The following TMX2 variants were observed in gnomAD, a reference collection of about 807,000 sequenced individuals.
The protein encoded by TMX2 is thioredoxin-related transmembrane protein 2.
In TMX2, 20 loss-of-function variants were observed where a neutral mutation model predicts 33.4. The ratio of observed to expected loss-of-function variants is 0.60; its 90% CI spans 0.42 to 0.87. The LOEUF (loss-of-function observed/expected upper bound fraction) is 0.87. Ranked by LOEUF, TMX2 falls within the 40% of genes least tolerant of loss-of-function variation. The pLI is 0.00. For missense variants in TMX2, 340 were observed against 370.7 expected (o/e 0.92, Z 0.68); for synonymous variants, 166 against 140.7 (o/e 1.18, Z -1.27).
rs1361794455 is a variant in TMX2, at chr11:57,738,717, T to C, written c.495T>C (p.Asn165=). 1.2e-6 allele frequency: 2 copies of C among 1,614,182 alleles called. No homozygotes were observed. Among genetic ancestry groups the C allele is most frequent in the East Asian group, 4.5e-5 (2 of 44,884 alleles). The change falls in exon 5 of 8, where the codon AAT becomes AAC. Residue 165 remains asparagine, a synonymous_variant. Transcript: ENST00000278422. The part of the protein sequence containing the change: ...RVTWIVEFFA[N]WSNDCQSFAP... ...CTTGGATTGTGGAGTTCTTTGCCAA[T>C]TGGTCTAATGACTGCCAATCATTTG...
At chr11:57,729,457 CTG>C (rs373009165) in intron 1 of TMX2, among the ~76,000 whole-genome samples, 1 of 151,602 alleles carries the variant, frequency 6.6e-6, no homozygotes, top group Admixed American at 6.6e-5. Flanking sequence ...GCTATGGGAA[CTG>C]TGTGTGTGTG....
chr11:57,735,818 G>C (rs563126512), intron 1 of TMX2, among the ~76,000 whole-genome samples: 6 of 152,324 alleles, frequency 3.9e-5, no homozygotes, highest in African/African-American at 1.4e-4. Flanking sequence ...CAAGTCAAAA[G>C]GTGAAGCAGA....
At chr11:57,736,026 C>G (rs1007373132) in intron 1 of TMX2, among the ~76,000 whole-genome samples, 1 of 152,090 alleles carries the variant, frequency 6.6e-6, no homozygotes, top group Non-Finnish European at 1.5e-5. Context: ...TTTAAGAAAG[C>G]CTAATGTTGG....
chr11:57,725,765 C>G lies in TMX2; in HGVS notation c.190-11843C>G, dbSNP rs143058406. Among the ~76,000 whole-genome samples, 265 of 151,824 alleles carry G rather than the reference C, an allele frequency of 1.7e-3. 1 individual carries two copies. The highest frequency in any genetic ancestry group is 0.017 in the East Asian group (88 of 5,158). On this transcript the variant is annotated intron_variant, in intron 1 of 7. Coordinates refer to ENST00000278422, the MANE Select transcript of TMX2 (RefSeq NM_015959.4). The stretch of plus-strand genomic sequence containing the variant: ...AGAAAAAAAAAAGGTCAAGATTAAA[C>G]CCTCCAAATCAAGAAGGGGGTACTA...
chr11:57,734,426 C>G (rs1037544008), intron 1 of TMX2, among the ~76,000 whole-genome samples: 4 of 152,108 alleles, frequency 2.6e-5, no homozygotes, highest in African/African-American at 9.7e-5. Context: ...TACCTTTGGT[C>G]CCCTGGTTAA....
At chr11:57,724,069 T>A (rs1026345181) in intron 1 of TMX2, among the ~76,000 whole-genome samples, 9 of 151,718 alleles carry the variant, frequency 5.9e-5, no homozygotes, top group South Asian at 4.2e-4. Context: ...CTTCTTTTTT[T>A]AAAAAAAACT....
chr11:57,721,858 G>C (rs1590925439), intron 1 of TMX2, among the ~76,000 whole-genome samples: 1 of 152,160 alleles, frequency 6.6e-6, no homozygotes, highest in African/African-American at 2.4e-5. Flanking sequence ...GTGGGGGGCT[G>C]CTAATCATAG....
chr11:57,719,384 T>C (rs779269614), intron 1 of TMX2, among the ~76,000 whole-genome samples: 11 of 151,708 alleles, frequency 7.3e-5, no homozygotes, highest in Non-Finnish European at 1.2e-4. Context: ...TTGGATCTCA[T>C]GCCCTGGGAA....
At chr11:57,715,558 C>G (rs1032443548) in intron 1 of TMX2, among the ~76,000 whole-genome samples, 1 of 148,974 alleles carries the variant, frequency 6.7e-6, no homozygotes, top group African/African-American at 2.5e-5. Context: ...TTTCCATAAA[C>G]CTTTTATAAC....
chr11:57,712,596 C>T lies in TMX2; in HGVS notation c.-23C>T, dbSNP rs2135428510. 6.3e-7 allele frequency: 1 copy of T among 1,585,132 alleles called. No individual in the cohort carries two copies. The highest frequency in any genetic ancestry group is 8.6e-7 in the Non-Finnish European group (1 of 1,162,438). ...GGGCGAGACCTACGACGCCGGCGAG[C>T]AGTGGCCGTTACGGCCGAAAAGATG... On this transcript the variant is annotated 5_prime_UTR_variant, in exon 1 of 8. Transcript: ENST00000278422.
At chr11:57,719,419 C>G (rs1029441782) in intron 1 of TMX2, among the ~76,000 whole-genome samples, 1 of 150,632 alleles carries the variant, frequency 6.6e-6, no homozygotes, top group Non-Finnish European at 1.5e-5. Context: ...CTGAAACCCC[C>G]TTTAAAAAAA....
intron 1 of TMX2, among the ~76,000 whole-genome samples, chr11:57,733,695 G>T (rs961555387): frequency 8.5e-5 from 13 of 152,112 alleles, no homozygotes; most frequent in African/African-American, 2.7e-4. Flanking sequence ...GGTAATAGGG[G>T]TTCATTCAAT....
chr11:57,722,634 T>C (rs1232731034), intron 1 of TMX2, among the ~76,000 whole-genome samples: 6 of 152,238 alleles, frequency 3.9e-5, no homozygotes. Context: ...ATTTAAAAAA[T>C]GTAAGTGCTT....
intron 1 of TMX2, among the ~76,000 whole-genome samples, chr11:57,734,767 AAAAAAT>A (rs1948636955): frequency 2.0e-5 from 3 of 152,074 alleles, no homozygotes; most frequent in Admixed American, 6.6e-5. Flanking sequence ...AATAAAAAAT[AAAAAAT>A]AAAAATAAAT....
Position 57,738,889 on chromosome 11 carries a change from C to T in TMX2, c.549-85C>T, listed in dbSNP as rs140650177. 5 of 1,538,044 alleles carry T rather than the reference C, an allele frequency of 3.3e-6. No individual in the cohort carries two copies. The African/African-American group carries it at 5.5e-5, about 17-fold the overall frequency. Reference sequence around the variant, plus strand: ...TCACACATGGTAACCAAAGGCATCTCCCTCTCCCCTCTTAAATATCTATAC... The same window carrying T: ...TCACACATGGTAACCAAAGGCATCTTCCTCTCCCCTCTTAAATATCTATAC... On this transcript the variant is annotated intron_variant, in intron 5 of 7. Transcript: ENST00000278422.
intron 1 of TMX2, among the ~76,000 whole-genome samples, chr11:57,722,042 C>G (rs751632395): frequency 3.9e-5 from 6 of 152,082 alleles, no homozygotes; most frequent in Non-Finnish European, 5.9e-5. Flanking sequence ...CTTACCCACG[C>G]TACAGTGCAG....
chr11:57,723,106 G>A (rs112205766), intron 1 of TMX2, among the ~76,000 whole-genome samples: 1,784 of 151,726 alleles, frequency 0.012, 21 homozygotes, highest in African/African-American at 0.04. Context: ...GCAAGACTCC[G>A]TCTCAAAGAA....
chr11:57,735,893 T>C (rs1305518919), intron 1 of TMX2, among the ~76,000 whole-genome samples: 4 of 152,182 alleles, frequency 2.6e-5, no homozygotes, highest in African/African-American at 4.8e-5. Flanking sequence ...TGGTCTCTTA[T>C]CAGGAAGCAA....
chr11:57,725,420 G>C (rs976428535), intron 1 of TMX2, among the ~76,000 whole-genome samples: 1 of 152,078 alleles, frequency 6.6e-6, no homozygotes, highest in Non-Finnish European at 1.5e-5. Context: ...GAGGTTATAA[G>C]GGCTGGTTTT....
Sources: allele counts gnomAD v4.1 joint callset (sites outside exome capture counted in the v4.1 genomes callset), GRCh38; gene constraint gnomAD v4.1.1; transcripts MANE v1.5; gene names NCBI Gene and HGNC (gene_info 2026-07-23, HGNC 2026-07-21).